Variants in UMAD1 observed in about 807,000 individuals in gnomAD.
The protein encoded by UMAD1 is UBAP1-MVB12-associated (UMA) domain containing 1, also known as UBAP1-MVB12-associated (UMA)-domain containing protein 1.
UMAD1 carries 8 observed loss-of-function variants against 6.1 expected under a neutral mutation model. That is an observed-to-expected ratio of 1.30 (90% CI 0.76 to 2.35). UMAD1 has a LOEUF of 2.35. UMAD1 is among the 30% of genes most tolerant of loss of function. The pLI is 0.00. For synonymous variants in UMAD1, 56 were observed against 31.4 expected (o/e 1.78, Z -2.61); for missense variants, 130 against 78.4 (o/e 1.66, Z -2.49).
chr7:7,866,081 G>A (rs552335774), intron 3 of UMAD1, among the ~76,000 whole-genome samples: 1 of 152,180 alleles, frequency 6.6e-6, no homozygotes, highest in African/African-American at 2.4e-5. Flanking sequence ...GTGATAACGG[G>A]CAAAATGGGT....
At chr7:7,820,702 C>T (rs1483130593) in intron 3 of UMAD1, among the ~76,000 whole-genome samples, 2 of 152,026 alleles carry the variant, frequency 1.3e-5, no homozygotes, top group Non-Finnish European at 2.9e-5. Flanking sequence ...TTTTGGTACT[C>T]ATTTGCTTTT....
chr7:7,752,419 C>T (rs1372816137), intron 2 of UMAD1, among the ~76,000 whole-genome samples: 1 of 151,916 alleles, frequency 6.6e-6, no homozygotes, highest in African/African-American at 2.4e-5. Flanking sequence ...CTATAATGAG[C>T]TTTATAATTA....
intron 2 of UMAD1, among the ~76,000 whole-genome samples, chr7:7,795,191 T>G (rs1782650458): frequency 1.3e-5 from 2 of 152,244 alleles, no homozygotes; most frequent in Admixed American, 6.5e-5. Flanking sequence ...TCAGGCACAC[T>G]TTCTCAGGAC....
rs112818456 is a variant in UMAD1, at chr7:7,851,790, C to G, written c.157-25491C>G. Among the ~76,000 whole-genome samples, 56 of 152,192 alleles carry G rather than the reference C, an allele frequency of 3.7e-4. 1 individual carries two copies. The highest frequency in any genetic ancestry group is 5.9e-4 in the Admixed American group (9 of 15,280). ...TATATTCTAGATGCAAGTCCTTTAT[C>G]AAATATATACTTTTTAAATATTTCC... On this transcript the variant is annotated intron_variant, in intron 3 of 3. Coordinates refer to ENST00000682710, the MANE Select transcript of UMAD1 (RefSeq NM_001302348.2).
chr7:7,752,202 A>G (rs1180798073), intron 2 of UMAD1, among the ~76,000 whole-genome samples: 1 of 152,150 alleles, frequency 6.6e-6, no homozygotes, highest in Non-Finnish European at 1.5e-5. Flanking sequence ...AGCATGTTGT[A>G]AAAAAATAGA....
At chr7:7,659,324 A>T (rs904983558) in intron 1 of UMAD1, among the ~76,000 whole-genome samples, 2 of 151,588 alleles carry the variant, frequency 1.3e-5, no homozygotes, top group Non-Finnish European at 2.9e-5. Context: ...CTCTGATCTT[A>T]GTTATTTCTT....
chr7:7,838,268 C>G (rs1783608691), intron 3 of UMAD1, among the ~76,000 whole-genome samples: 1 of 152,088 alleles, frequency 6.6e-6, no homozygotes, highest in Non-Finnish European at 1.5e-5. Context: ...ACAGGCTAAA[C>G]AGATTGAGTC....
intron 2 of UMAD1, among the ~76,000 whole-genome samples, chr7:7,740,316 C>A (rs1781437400): frequency 6.6e-6 from 1 of 152,200 alleles, no homozygotes; most frequent in South Asian, 2.1e-4. Context: ...TCACGTCTAT[C>A]CTTTGCGATA....
At chr7:7,778,436 C>CT (rs149658210) in intron 2 of UMAD1, among the ~76,000 whole-genome samples, 12,855 of 146,766 alleles carry the variant, frequency 0.088, 711 homozygotes, top group Non-Finnish European at 0.13. Context: ...TCTTTCTTTT[C>CT]TTTTTTTTTT....
At chr7:7,689,690 T>G (rs1022046305) in intron 2 of UMAD1, among the ~76,000 whole-genome samples, 1 of 152,190 alleles carries the variant, frequency 6.6e-6, no homozygotes, top group Non-Finnish European at 1.5e-5. Context: ...AGAAGACATT[T>G]ATATTTATGT....
At chr7:7,800,006 C>T (rs1193204424) in intron 2 of UMAD1, among the ~76,000 whole-genome samples, 1 of 152,198 alleles carries the variant, frequency 6.6e-6, no homozygotes, top group Non-Finnish European at 1.5e-5. Context: ...GCCTCAGCCT[C>T]CTGAGTAGCT....
chr7:7,782,977 C>A (rs1236265170), intron 2 of UMAD1, among the ~76,000 whole-genome samples: 2 of 152,204 alleles, frequency 1.3e-5, no homozygotes, highest in African/African-American at 4.8e-5. Context: ...AGGTAATCTG[C>A]CTCCCTCAGC....
intron 2 of UMAD1, among the ~76,000 whole-genome samples, chr7:7,725,251 C>T (rs905335946): frequency 1.3e-5 from 2 of 152,166 alleles, no homozygotes; most frequent in African/African-American, 2.4e-5. Context: ...TGTTTTACAC[C>T]AGCCCATTTA....
intron 3 of UMAD1, among the ~76,000 whole-genome samples, chr7:7,858,672 A>G (rs1251913493): frequency 6.6e-6 from 1 of 152,310 alleles, no homozygotes; most frequent in East Asian, 1.9e-4. Context: ...TAGTTCGGCC[A>G]TCAGAAAAAC....
intron 1 of UMAD1, among the ~76,000 whole-genome samples, chr7:7,653,428 T>C (rs1441433933): frequency 6.6e-6 from 1 of 152,244 alleles, no homozygotes; most frequent in Non-Finnish European, 1.5e-5. Context: ...TCTTATCTTC[T>C]AAACCTTATC....
At chr7:7,672,471 G>A (rs1401003760) in intron 1 of UMAD1, among the ~76,000 whole-genome samples, 1 of 152,106 alleles carries the variant, frequency 6.6e-6, no homozygotes, top group Non-Finnish European at 1.5e-5. Flanking sequence ...TTTATAATGG[G>A]TACTGATATG....
intron 1 of UMAD1, among the ~76,000 whole-genome samples, chr7:7,653,128 G>C (rs1785260900): frequency 1.3e-5 from 2 of 152,162 alleles, no homozygotes; most frequent in African/African-American, 4.8e-5. Context: ...AGAGTTGTCT[G>C]AATTCTTTTG....
chr7:7,737,811 A>G (rs11766846), intron 2 of UMAD1, among the ~76,000 whole-genome samples: 1 of 152,048 alleles, frequency 6.6e-6, no homozygotes, highest in Non-Finnish European at 1.5e-5. Context: ...AGAATGTGGA[A>G]TGTGGGCAGA....
chr7:7,679,740 A>ACT (rs1371226461), intron 2 of UMAD1, among the ~76,000 whole-genome samples: 2 of 146,880 alleles, frequency 1.4e-5, no homozygotes, highest in South Asian at 2.1e-4. Flanking sequence ...ATACACACAC[A>ACT]CATATTAAGA....
Sources: allele counts gnomAD v4.1 joint callset (sites outside exome capture counted in the v4.1 genomes callset), GRCh38; gene constraint gnomAD v4.1.1; transcripts MANE v1.5; gene names NCBI Gene and HGNC (gene_info 2026-07-23, HGNC 2026-07-21).